The following SNX24 variants were observed in gnomAD, a reference collection of about 807,000 sequenced individuals.
The protein encoded by SNX24 is sorting nexin-24.
Under a neutral mutation model 28.7 loss-of-function variants are expected in SNX24, and 22 were observed. That is an observed-to-expected ratio of 0.77 (90% CI 0.55 to 1.10). The LOEUF (loss-of-function observed/expected upper bound fraction) is 1.10, where lower values mean the gene tolerates loss of function less well. SNX24 is among the 50% of genes least tolerant of loss of function. The probability of loss-of-function intolerance (pLI) is 0.00; values close to 1 mark genes in which losing one functional copy is unlikely to be tolerated. For synonymous variants in SNX24, 69 were observed against 71.5 expected (o/e 0.96, Z 0.18); for missense variants, 221 against 201.1 (o/e 1.10, Z -0.60).
chr5:123,010,768 A>G (rs931419571), downstream of SNX24, among the ~76,000 whole-genome samples: 3 of 152,214 alleles, frequency 2.0e-5, no homozygotes, highest in Non-Finnish European at 4.4e-5. Flanking sequence ...TCTACATACA[A>G]GCAGATATTG....
At chr5:122,870,207 C>CT (rs1376141726) in intron 1 of SNX24, among the ~76,000 whole-genome samples, 1 of 152,202 alleles carries the variant, frequency 6.6e-6, no homozygotes, top group Non-Finnish European at 1.5e-5. Context: ...TTTTTAGTCT[C>CT]TATCAACCTA....
intron 1 of SNX24, among the ~76,000 whole-genome samples, chr5:122,913,487 C>T (rs1478240591): frequency 6.6e-5 from 10 of 151,926 alleles, no homozygotes; most frequent in African/African-American, 1.2e-4. Flanking sequence ...CTGGCGTAGA[C>T]GCTCCTCACT....
chr5:122,909,981 G>C (rs1406256012), intron 1 of SNX24, among the ~76,000 whole-genome samples: 1 of 152,190 alleles, frequency 6.6e-6, no homozygotes, highest in Non-Finnish European at 1.5e-5. Flanking sequence ...CAACTTTGAA[G>C]CCAGAGTAGA....
intron 3 of SNX24, among the ~76,000 whole-genome samples, chr5:122,972,479 T>G (rs1458762468): frequency 1.3e-5 from 2 of 152,150 alleles, no homozygotes; most frequent in Admixed American, 1.3e-4. Context: ...TAGCTGGCAT[T>G]GTAATTGTGA....
chr5:122,939,281 C>T (rs548928251), intron 2 of SNX24, among the ~76,000 whole-genome samples: 3 of 152,276 alleles, frequency 2.0e-5, no homozygotes, highest in African/African-American at 7.2e-5. Context: ...ATTACCCCTC[C>T]AAAAATTAGA....
intron 1 of SNX24, among the ~76,000 whole-genome samples, chr5:122,935,966 C>A (rs568036259): frequency 6.6e-6 from 1 of 152,172 alleles, no homozygotes. Context: ...ATCCTGCTAA[C>A]CATCCCTCCC....
intron 1 of SNX24, among the ~76,000 whole-genome samples, chr5:122,935,828 C>T (rs1358924787): frequency 1.3e-5 from 2 of 151,694 alleles, no homozygotes; most frequent in African/African-American, 4.8e-5. Context: ...TTCAGAAGGG[C>T]GATTGAAATA....
At chr5:122,891,719 T>C (rs373854826) in intron 1 of SNX24, among the ~76,000 whole-genome samples, 9 of 152,358 alleles carry the variant, frequency 5.9e-5, no homozygotes, top group East Asian at 5.8e-4. Flanking sequence ...GATTTACTTA[T>C]GTAGAGACTT....
intron 1 of SNX24, among the ~76,000 whole-genome samples, chr5:122,852,140 A>G (rs970618666): frequency 4.0e-5 from 6 of 150,806 alleles, no homozygotes; most frequent in African/African-American, 1.5e-4. Context: ...ATATATATGT[A>G]TATATTTCTT....
At chr5:122,871,885 G>T (rs1302891450) in intron 1 of SNX24, among the ~76,000 whole-genome samples, 2 of 152,040 alleles carry the variant, frequency 1.3e-5, no homozygotes, top group Non-Finnish European at 2.9e-5. Flanking sequence ...TTCTGGCATC[G>T]TGACTAGTCA....
At chr5:122,949,187 G>C (rs1214539601) in intron 3 of SNX24, among the ~76,000 whole-genome samples, 1 of 151,932 alleles carries the variant, frequency 6.6e-6, no homozygotes. Context: ...TTCCTTTGCT[G>C]GTCACCAATA....
intron 1 of SNX24, among the ~76,000 whole-genome samples, chr5:122,905,634 G>A (rs966978740): frequency 3.3e-5 from 5 of 152,150 alleles, no homozygotes; most frequent in African/African-American, 1.2e-4. Context: ...CAAGCAATTT[G>A]GATAAAGGAT....
At chr5:122,923,988 T>G (rs1758560683) in intron 1 of SNX24, among the ~76,000 whole-genome samples, 1 of 152,240 alleles carries the variant, frequency 6.6e-6, no homozygotes, top group South Asian at 2.1e-4. Context: ...GCATAGCATA[T>G]CATAGTACTT....
chr5:122,871,431 C>T (rs1446065681), intron 1 of SNX24, among the ~76,000 whole-genome samples: 1 of 152,118 alleles, frequency 6.6e-6, no homozygotes, highest in Non-Finnish European at 1.5e-5. Flanking sequence ...TCTGATTCCG[C>T]AAAAGTGCAT....
chr5:122,965,864 T>C (rs182670701), intron 3 of SNX24, among the ~76,000 whole-genome samples: 1 of 152,356 alleles, frequency 6.6e-6, no homozygotes, highest in African/African-American at 2.4e-5. Flanking sequence ...CTATTAAATC[T>C]ATCTTTCCCA....
At chr5:122,974,965 G>A (rs919779457) in intron 3 of SNX24, among the ~76,000 whole-genome samples, 3 of 152,124 alleles carry the variant, frequency 2.0e-5, no homozygotes, top group African/African-American at 7.2e-5. Flanking sequence ...ATGAGTCCGG[G>A]GAATCAGTGG....
At chr5:122,851,372 G>C (rs1293701133) in intron 1 of SNX24, among the ~76,000 whole-genome samples, 1 of 152,032 alleles carries the variant, frequency 6.6e-6, no homozygotes, top group Non-Finnish European at 1.5e-5. Context: ...CATCATGTTG[G>C]CCAGGCTGGT....
intron 1 of SNX24, among the ~76,000 whole-genome samples, chr5:122,871,975 G>A (rs796605761): frequency 2.0e-4 from 31 of 151,852 alleles, no homozygotes; most frequent in African/African-American, 6.8e-4. Context: ...AGGATCTTCT[G>A]TAAGGATTTC....
At chr5:122,918,299 G>C (rs952970977) in intron 1 of SNX24, among the ~76,000 whole-genome samples, 11 of 152,090 alleles carry the variant, frequency 7.2e-5, no homozygotes, top group African/African-American at 2.2e-4. Context: ...ACCATACACA[G>C]AGTTTGTTCT....
Sources: allele counts gnomAD v4.1 joint callset (sites outside exome capture counted in the v4.1 genomes callset), GRCh38; gene constraint gnomAD v4.1.1; transcripts MANE v1.5; gene names NCBI Gene and HGNC (gene_info 2026-07-23, HGNC 2026-07-21).